COQ8A: variants seen among roughly 807,000 people sequenced by gnomAD.
The protein encoded by COQ8A is atypical kinase COQ8A, mitochondrial.
Under a neutral mutation model 65.0 loss-of-function variants are expected in COQ8A, and 51 were observed. The ratio of observed to expected loss-of-function variants is 0.78; its 90% confidence interval spans 0.63 to 0.99. COQ8A has a LOEUF of 0.99. Among genes scored for constraint, COQ8A ranks in the 50% least tolerant of loss-of-function variants. The pLI is 0.00. For synonymous variants in COQ8A, 371 were observed against 353.2 expected (o/e 1.05, Z -0.57); for missense variants, 940 against 875.0 (o/e 1.07, Z -0.94).
chr1:226,975,197 G>A (rs891349589), intron 4 of COQ8A: 6 of 152,204 alleles, frequency 3.9e-5, no homozygotes, highest in African/African-American at 9.7e-5. Context: ...ATGTTTAAAC[G>A]GGGACTGTGT....
intron 1 of COQ8A, among the ~76,000 whole-genome samples, chr1:226,952,483 A>G (rs1200128595): frequency 6.6e-6 from 1 of 151,480 alleles, no homozygotes; most frequent in African/African-American, 2.4e-5. Flanking sequence ...TCGTGTGATC[A>G]TAGCTCACTG....
intron 2 of COQ8A, among the ~76,000 whole-genome samples, chr1:226,963,771 A>T (rs1658394353): frequency 6.6e-6 from 1 of 152,038 alleles, no homozygotes; most frequent in Non-Finnish European, 1.5e-5. Flanking sequence ...CGCCTGGCTA[A>T]TTTTTGTATT....
At chr1:226,985,085 A>G in intron 13 of COQ8A, 144 bp downstream of exon 13, 1 of 1,291,782 alleles carries the variant, frequency 7.7e-7, no homozygotes, top group Non-Finnish European at 1.1e-6. Flanking sequence ...TGGTGACAGC[A>G]GGCAGTTAGG....
chr1:226,977,501 C>A lies in COQ8A; in HGVS notation c.708C>A (p.Ser236Arg). Reference protein sequence around the residue: ...FGALAEVAKKSLRSEDPSGKK... With the variant: ...FGALAEVAKKRLRSEDPSGKK... ...CACTGGCAGAGGTCGCCAAGAAGAGCCTGCGCTCCGAGGACCCCTCAGGTG... is the reference window on the plus strand; with the variant it reads ...CACTGGCAGAGGTCGCCAAGAAGAGACTGCGCTCCGAGGACCCCTCAGGTG... The change falls in exon 5 of 15, where the codon AGC becomes AGA. Residue 236 changes from serine (S) to arginine (R), a missense_variant. Coordinates refer to ENST00000366777, the MANE Select transcript of COQ8A (RefSeq NM_020247.5). 6.4e-7 allele frequency: 1 copy of A among 1,565,352 alleles called. No homozygotes were observed. The highest frequency in any genetic ancestry group is 8.7e-7 in the Non-Finnish European group (1 of 1,155,004).
At position 226,984,639 on chromosome 1, in the gene COQ8A, A is replaced by T; in HGVS notation, c.1490A>T (p.Asp497Val). 1.2e-6 allele frequency: 2 copies of T among 1,613,722 alleles called. No individual in the cohort carries two copies. Among genetic ancestry groups the T allele is most frequent in the Non-Finnish European group, 1.7e-6 (2 of 1,179,850 alleles). Residue 497 changes from aspartate (D) to valine (V), a missense_variant, in exon 12 of 15, where the codon GAC (aspartate) becomes GTC (valine). Physicochemically the swap from Asp to Val is radical, Grantham distance 152 (BLOSUM62 -3). Coordinates refer to ENST00000366777, the MANE Select transcript of COQ8A (RefSeq NM_020247.5). ...CCCAACTGGTCCAACTTCTTCTATGACCCCCAGCAGCACAAGGTGAGCCCC... is the reference window on the plus strand; with the variant it reads ...CCCAACTGGTCCAACTTCTTCTATGTCCCCCAGCAGCACAAGGTGAGCCCC... ...TDPNWSNFFY[D>V]PQQHKVALLD... is the part of the protein sequence containing the mutation.
At position 226,950,782 on chromosome 1, in the gene COQ8A, CA is replaced by C. The variant is rs1248720659; in HGVS notation, c.-10+10384del. On this transcript the variant is annotated intron_variant, in intron 1 of 14. Transcript: ENST00000366777. ...GCTTTTTTTTTTAAGAAAAAATTAG[CA>C]GTATGGGATTCAGTGCCTGCTTTCA... Among the ~76,000 whole-genome samples the C allele has an allele frequency of 3.3e-5, 5 of 151,680 alleles. No homozygotes were observed. In the South Asian group the frequency reaches 1.0e-3, roughly 32 times the overall value.
chr1:226,956,450 T>TCCCTGGCTGCCACTCC (rs1657767341), intron 1 of COQ8A, among the ~76,000 whole-genome samples: 3 of 125,386 alleles, frequency 2.4e-5, no homozygotes, highest in African/African-American at 1.0e-4. Context: ...GCTGCCACTC[T>TCCCTGGCTGCCACTCC]CCCTGGCTGC....
intron 1 of COQ8A, among the ~76,000 whole-genome samples, chr1:226,955,563 CCACTCCCTGGGTTCA>C (rs1657659964): frequency 6.4e-5 from 1 of 15,662 alleles, no homozygotes; most frequent in Non-Finnish European, 1.3e-4. Context: ...TCCCTGGCTC[CCACTCCCTGGGTTCA>C]CACTCTCCCT....
At chr1:226,955,209 G>A (rs1657613055) in intron 1 of COQ8A, among the ~76,000 whole-genome samples, 1 of 152,008 alleles carries the variant, frequency 6.6e-6, no homozygotes, top group African/African-American at 2.4e-5. Context: ...AGGTGTGGGT[G>A]GTAAGGTCAG....
chr1:226,970,422 T>C (rs1658831689), intron 4 of COQ8A, among the ~76,000 whole-genome samples: 1 of 152,252 alleles, frequency 6.6e-6, no homozygotes, highest in South Asian at 2.1e-4. Context: ...CTTTACAACA[T>C]GTTACTGTAC....
chr1:226,985,368 G>A (rs1660034294), intron 14 of COQ8A, 28 bp downstream of exon 14: 1 of 1,610,618 alleles, frequency 6.2e-7, no homozygotes. Flanking sequence ...GGATCCCCTG[G>A]GCCTGCTGAC....
chr1:226,954,029 G>A lies in COQ8A; in HGVS notation c.-9-7348G>A, dbSNP rs551542117. 7.2e-5 allele frequency among the ~76,000 whole-genome samples: 11 copies of A among 152,354 alleles called. No individual in the cohort carries two copies. The South Asian group carries it at 2.3e-3, about 32-fold the overall frequency. On this transcript the variant is annotated intron_variant, in intron 1 of 14. Transcript: ENST00000366777. ...CCCACACAGGCTAGAAATTGAGAAT[G>A]TTCATGCCCAAAGTGAAAAGACAGT...
At chr1:226,984,702 C>T (rs1398792827) in intron 12 of COQ8A, 47 bp downstream of exon 12, 5 of 1,569,080 alleles carry the variant, frequency 3.2e-6, no homozygotes, top group African/African-American at 2.7e-5. Context: ...GAGAGCTTCT[C>T]CGAATGGGGC....
In COQ8A at chr1:226,978,624, A is replaced by C. The variant is rs185234792; in HGVS notation, c.730+1101A>C. Among the ~76,000 whole-genome samples the C allele has an allele frequency of 5.7e-4, 25 of 44,176 alleles. 1 individual carries two copies. Among genetic ancestry groups the C allele is most frequent in the South Asian group, 8.9e-4 (1 of 1,118 alleles). The allele number at this position is 44,176 out of a possible 152,430, so 29.0% of individuals were successfully genotyped here. On this transcript the variant is annotated intron_variant, in intron 5 of 14. Transcript: ENST00000366777. Reference sequence around the variant, plus strand: ...CCCTCTACACACCCGCCCACCTTACACTCCACACACCCGCCCACCTCCTTA... The same window carrying C: ...CCCTCTACACACCCGCCCACCTTACCCTCCACACACCCGCCCACCTCCTTA...
At chr1:226,977,374 C>T (rs1424732743) in intron 4 of COQ8A, 75 bp from the exon 5 acceptor site, 53 of 1,431,378 alleles carry the variant, frequency 3.7e-5, no homozygotes, top group Non-Finnish European at 4.4e-5. Context: ...GGTGCTGCCC[C>T]AGGCCTTGTG....
intron 1 of COQ8A, among the ~76,000 whole-genome samples, chr1:226,943,028 T>C (rs1656797213): frequency 6.6e-6 from 1 of 152,212 alleles, no homozygotes; most frequent in Admixed American, 6.5e-5. Context: ...TTTCTTGCTG[T>C]TTTGATCCTG....
At chr1:226,982,200 G>T (rs1269450983) in intron 6 of COQ8A, 51 bp downstream of exon 6, 7 of 1,541,052 alleles carry the variant, frequency 4.5e-6, no homozygotes, top group Admixed American at 3.9e-5. Context: ...CTGCTGGGGG[G>T]GTCAACTTCC....
intron 1 of COQ8A, among the ~76,000 whole-genome samples, chr1:226,943,457 C>A (rs1223911719): frequency 6.6e-6 from 1 of 152,168 alleles, no homozygotes; most frequent in Non-Finnish European, 1.5e-5. Context: ...GGGGTGGGAG[C>A]CCCACGGAGG....
intron 5 of COQ8A, among the ~76,000 whole-genome samples, chr1:226,978,968 G>T (rs915639813): frequency 2.6e-5 from 4 of 151,254 alleles, no homozygotes; most frequent in African/African-American, 9.7e-5. Context: ...CCACACACCC[G>T]CACACCTCCT....
Sources: allele counts gnomAD v4.1 joint callset (sites outside exome capture counted in the v4.1 genomes callset), GRCh38; gene constraint gnomAD v4.1.1; transcripts MANE v1.5; gene names NCBI Gene and HGNC (gene_info 2026-07-23, HGNC 2026-07-21).